The following TEKTIP1 variants were observed in gnomAD, a reference collection of about 807,000 sequenced individuals.
TEKTIP1 encodes tektin bundle interacting protein 1.
the TEKTIP1 span, chr19:3,539,190 A>T: frequency 1.3e-6 from 2 of 1,550,236 alleles, no homozygotes; most frequent in Admixed American, 3.9e-5. Flanking sequence ...GCAAACCCTC[A>T]GGCAAGAGGC....
At chr19:3,543,491 C>CCCG in the TEKTIP1 span, 2 of 1,516,000 alleles carry the variant, frequency 1.3e-6, no homozygotes, top group African/African-American at 1.4e-5. Context: ...CCCCCCCCCC[C>CCCG]GCCCTGGGCA....
the TEKTIP1 span, chr19:3,539,486 G>A: frequency 2.4e-5 from 13 of 541,168 alleles, no homozygotes; most frequent in African/African-American, 1.5e-4. Flanking sequence ...ATGTGTCTGC[G>A]GCCGTCTCCA....
At chr19:3,541,735 A>G in the TEKTIP1 span, 1 of 985,318 alleles carries the variant, frequency 1.0e-6, no homozygotes, top group Non-Finnish European at 1.2e-6. Flanking sequence ...AAACACCAGA[A>G]AGTAGTGAGT....
chr19:3,539,883 A>G, the TEKTIP1 span: 1 of 152,206 alleles, frequency 6.6e-6, no homozygotes, highest in South Asian at 2.1e-4. Flanking sequence ...AATTGTTTAA[A>G]CAATTATGGA....
At chr19:3,539,424 C>T in the TEKTIP1 span, 5 of 592,222 alleles carry the variant, frequency 8.4e-6, no homozygotes, top group South Asian at 1.0e-4. Flanking sequence ...TCCCCTCCGG[C>T]CAGTGGCCGC....
the TEKTIP1 span, among the ~76,000 whole-genome samples, chr19:3,540,676 T>C: frequency 3.5e-5 from 5 of 140,992 alleles, no homozygotes; most frequent in Non-Finnish European, 7.6e-5. Flanking sequence ...AGTCAGGAGT[T>C]CGAGACCAGC....
the TEKTIP1 span, chr19:3,543,034 GA>G: frequency 1.9e-6 from 3 of 1,606,922 alleles, no homozygotes; most frequent in Non-Finnish European, 2.5e-6. Context: ...TGTGTGGGGA[GA>G]GGGGGAGTCA....
the TEKTIP1 span, chr19:3,543,216 G>GC: frequency 6.5e-7 from 1 of 1,538,352 alleles, no homozygotes; most frequent in East Asian, 2.5e-5. Context: ...CTCAGTCTCT[G>GC]CCCCCTGCCC....
At chr19:3,539,915 G>C in the TEKTIP1 span, 1 of 152,146 alleles carries the variant, frequency 6.6e-6, no homozygotes, top group Non-Finnish European at 1.5e-5. Context: ...CCATGAAAAA[G>C]AAGAGTGAAA....
At chr19:3,543,801 C>T in the TEKTIP1 span, 3 of 1,502,372 alleles carry the variant, frequency 2.0e-6, no homozygotes, top group Non-Finnish European at 2.7e-6. Context: ...GAGGTGGGGG[C>T]ACATGGTGAC....
At chr19:3,543,550 C>A in the TEKTIP1 span, 3 of 1,534,012 alleles carry the variant, frequency 2.0e-6, no homozygotes, top group African/African-American at 2.7e-5. Context: ...CCCGCCCCAC[C>A]GCAGCCTACA....
the TEKTIP1 span, chr19:3,542,887 G>T: frequency 3.6e-6 from 5 of 1,405,022 alleles, no homozygotes; most frequent in Non-Finnish European, 4.8e-6. Flanking sequence ...GAAGGGACTT[G>T]TGGGTCTTGG....
At chr19:3,540,289 A>T in the TEKTIP1 span, among the ~76,000 whole-genome samples, 2 of 147,640 alleles carry the variant, frequency 1.4e-5, no homozygotes, top group Non-Finnish European at 1.5e-5. Flanking sequence ...ACGGAGTCTC[A>T]CTCTTGTCGC....
At chr19:3,539,610 C>G in the TEKTIP1 span, 1 of 264,020 alleles carries the variant, frequency 3.8e-6, no homozygotes, top group Non-Finnish European at 7.2e-6. Flanking sequence ...ACACCTCTTG[C>G]AGCCCGTGGT....
chr19:3,539,479 T>C, the TEKTIP1 span: 8 of 544,532 alleles, frequency 1.5e-5, no homozygotes, highest in Admixed American at 3.1e-5. Context: ...AGAACAAATG[T>C]GTCTGCGGCC....
the TEKTIP1 span, chr19:3,541,995 A>T: frequency 2.3e-6 from 1 of 434,728 alleles, no homozygotes; most frequent in Non-Finnish European, 3.1e-6. Context: ...TTTTTAGTAG[A>T]GACGGGGTTT....
the TEKTIP1 span, chr19:3,543,822 C>T: frequency 5.3e-6 from 8 of 1,520,892 alleles, no homozygotes; most frequent in African/African-American, 1.1e-4. Flanking sequence ...CCGAGTCCCA[C>T]CTACAGTGCT....
the TEKTIP1 span, chr19:3,543,491 CGCCCT>C: frequency 6.6e-7 from 1 of 1,516,080 alleles, no homozygotes. Context: ...CCCCCCCCCC[CGCCCT>C]GGGCAGCGGG....
chr19:3,543,338 T>C, the TEKTIP1 span: 2 of 1,549,398 alleles, frequency 1.3e-6, no homozygotes, highest in Non-Finnish European at 1.7e-6. Context: ...CGGCCAGCTG[T>C]GGTACACAGG....
Sources: gnomAD v4.1 joint callset for allele counts (sites outside exome capture counted in the v4.1 genomes callset) on GRCh38, gnomAD v4.1.1 for gene constraint, MANE v1.5 for transcripts, NCBI Gene and HGNC (gene_info 2026-07-23, HGNC 2026-07-21) for gene names.